The following RPL7 variants were observed in gnomAD, a reference collection of about 807,000 sequenced individuals.
The protein encoded by RPL7 is large ribosomal subunit protein uL30.
For missense variants in RPL7, 205 were observed against 301.9 expected (o/e 0.68, Z 2.38); for synonymous variants, 100 against 102.2 (o/e 0.98, Z 0.13).
At chr8:73,291,382 A>C (rs1814091162) in intron 5 of RPL7, 130 bp from the exon 6 acceptor site, 6 of 866,446 alleles carry the variant, frequency 6.9e-6, no homozygotes, top group Non-Finnish European at 1.1e-5. Flanking sequence ...GCATGGCTTT[A>C]CAAAGATAAG....
intron 1 of RPL7, 185 bp from the exon 2 acceptor site, chr8:73,292,982 A>G (rs140477626): frequency 4.5e-6 from 2 of 449,288 alleles, no homozygotes; most frequent in African/African-American, 4.0e-5. Flanking sequence ...AACCTTTAAC[A>G]CCATGTTGCC....
At chr8:73,293,485 A>G (rs1814162582) in intron 1 of RPL7, 114 bp downstream of exon 1, 2 of 1,323,840 alleles carry the variant, frequency 1.5e-6, no homozygotes, top group Admixed American at 1.9e-5. Flanking sequence ...GTTCACAATC[A>G]AGCAGGGAGG....
Position 73,293,298 on chromosome 8 carries a change from T to C in RPL7, c.14+301A>G, listed in dbSNP as rs1814153139. On this transcript the variant is annotated intron_variant, in intron 1 of 6. Coordinates refer to ENST00000352983, the MANE Select transcript of RPL7 (RefSeq NM_000971.4). The stretch of plus-strand genomic sequence containing the variant: ...AAGCACCAGCCAAGGACGAACACAA[T>C]TCAGAGGTTCTGCGCCTCCCCCGAA... 6 of 434,570 alleles carry C rather than the reference T, an allele frequency of 1.4e-5. No homozygotes were observed. The East Asian group carries it at 2.2e-4, about 16-fold the overall frequency. The allele number at this position is 434,570 out of a possible 1,614,324, so 26.9% of individuals were successfully genotyped here. A position where few individuals can be genotyped will look rare whatever the true frequency, so the allele number is the denominator to read the frequency against.
chr8:73,292,018 T>G, intron 3 of RPL7, 108 bp from the exon 4 acceptor site: 5 of 1,400,128 alleles, frequency 3.6e-6, no homozygotes, highest in Non-Finnish European at 5.0e-6. Flanking sequence ...ATAGGAATCC[T>G]CTCATGTTAC....
intron 3 of RPL7, 139 bp from the exon 4 acceptor site, chr8:73,292,049 A>G: frequency 7.8e-7 from 1 of 1,277,976 alleles, no homozygotes; most frequent in Non-Finnish European, 1.1e-6. Flanking sequence ...TCTGTATTCT[A>G]TTAAGAGAAG....
At chr8:73,294,077 G>C (rs1486864543), upstream of RPL7, 1 of 161,164 alleles carries the variant, frequency 6.2e-6, no homozygotes, top group Non-Finnish European at 1.4e-5. Flanking sequence ...GAGCCTCTTG[G>C]GCCACGTTCC....
chr8:73,293,581 G>C lies in RPL7; in HGVS notation c.14+18C>G, dbSNP rs1264466216. The C allele has an allele frequency of 9.3e-6, 15 of 1,613,714 alleles. No homozygotes were observed. Among genetic ancestry groups the C allele is most frequent in the Non-Finnish European group, 9.3e-6 (11 of 1,179,848 alleles). On this transcript the variant is annotated intron_variant, in intron 1 of 6. Coordinates refer to ENST00000352983, the MANE Select transcript of RPL7 (RefSeq NM_000971.4). ...TGGAGATGGAGAAGGATTCTCAAGA[G>C]GACCAGAAGCAACTCACTCTACACC...
rs746101170 is a variant in RPL7, at chr8:73,292,689, C to T, written c.123G>A (p.Met41Ile). Residue 41 changes from methionine to isoleucine, a missense_variant and splice_region_variant, in exon 2 of 7, where the codon ATG becomes ATA. By Grantham distance (10) the Met-to-Ile change is conservative (BLOSUM62 1). Transcript: ENST00000352983. Reference sequence around the variant, plus strand: ...CTAGTGCCTCAAAAAGTTTACTTACCATCTTTTGGGCAAACTTCTTTCTCA... The same window carrying T: ...CTAGTGCCTCAAAAAGTTTACTTACTATCTTTTGGGCAAACTTCTTTCTCA... ...KRLRKKFAQK[M>I]LRKARRKLIY... The T allele has an allele frequency of 6.2e-7, 1 of 1,608,920 alleles. No individual in the cohort carries two copies. Among genetic ancestry groups the T allele is most frequent in the South Asian group, 1.1e-5 (1 of 90,382 alleles).
Position 73,291,287 on chromosome 8 carries a change from T to A in RPL7, c.539-35A>T, listed in dbSNP as rs757066528. 3.7e-5 allele frequency: 57 copies of A among 1,529,172 alleles called. No individual in the cohort carries two copies. The South Asian group carries it at 6.6e-4, about 18-fold the overall frequency. 94.7% of individuals were successfully genotyped at this position (1,529,172 alleles called of 1,614,324 possible). ...TTAAGGTTATTTAAGATTATTAAAGTTGCAAAAAGTTTTGAAATAATTATT... is the reference window on the plus strand; with the variant it reads ...TTAAGGTTATTTAAGATTATTAAAGATGCAAAAAGTTTTGAAATAATTATT... On this transcript the variant is annotated intron_variant, in intron 5 of 6. Coordinates refer to ENST00000352983, the MANE Select transcript of RPL7 (RefSeq NM_000971.4).
chr8:73,292,592 T>A, intron 2 of RPL7, 97 bp downstream of exon 2: 4 of 1,083,412 alleles, frequency 3.7e-6, no homozygotes, highest in South Asian at 3.0e-5. Context: ...AATTACTCAG[T>A]ACAGTTAGGA....
At chr8:73,292,029 A>G in intron 3 of RPL7, 119 bp from the exon 4 acceptor site, 2 of 1,347,826 alleles carry the variant, frequency 1.5e-6, no homozygotes, top group South Asian at 2.7e-5. Context: ...CTCATGTTAC[A>G]CACTGAATTT....
chr8:73,293,606 C>T lies in RPL7; in HGVS notation c.7G>A (p.Gly3Ser), dbSNP rs144881278. 57 of 1,613,806 alleles carry T rather than the reference C, an allele frequency of 3.5e-5. No homozygotes were observed. The highest frequency in any genetic ancestry group is 8.8e-5 in the South Asian group (8 of 91,038). The change falls in exon 1 of 7, where the codon GGT (glycine) becomes AGT (serine). Residue 3 changes from glycine (G) to serine (S), a missense_variant. Coordinates refer to ENST00000352983, the MANE Select transcript of RPL7 (RefSeq NM_000971.4). Reference protein sequence around the residue: MEGVEEKKKEVPA... With the variant: MESVEEKKKEVPA... ...GGACCAGAAGCAACTCACTCTACAC[C>T]CTCCATGGTTCCAGCCGGAAAAAGA...
In RPL7 at chr8:73,292,990, G is replaced by A. The variant is rs1586182577; in HGVS notation, c.15-193C>T. 1.4e-5 allele frequency: 6 copies of A among 425,744 alleles called. No homozygotes were observed. In the East Asian group the frequency reaches 2.1e-4, roughly 15 times the overall value. 26.4% of individuals were successfully genotyped at this position (425,744 alleles called of 1,614,324 possible). A position where few individuals can be genotyped will look rare whatever the true frequency, so the allele number is the denominator to read the frequency against. The stretch of plus-strand genomic sequence containing the variant: ...TGTCAATAACCTTTAACACCATGTT[G>A]CCTAAAACGCAATCACAAATATGAC... On this transcript the variant is annotated intron_variant, in intron 1 of 6. Transcript: ENST00000352983.
chr8:73,293,679 G>A (rs192883308), upstream of RPL7: 37 of 1,590,558 alleles, frequency 2.3e-5, no homozygotes, highest in East Asian at 5.2e-4. Flanking sequence ...CGCGAGAGAA[G>A]CCCCACGACT....
intron 1 of RPL7, 34 bp downstream of exon 1, chr8:73,293,565 A>T: frequency 2.5e-6 from 4 of 1,613,202 alleles, no homozygotes; most frequent in South Asian, 1.1e-5. Flanking sequence ...CTGGAGATGG[A>T]GAAGGATTCT....
rs1814075132 is a variant in RPL7 at position 73,290,627 on chromosome 8, A to C, written c.*80T>G. 1 of 159,640 alleles carries C rather than the reference A, an allele frequency of 6.3e-6. No homozygotes were observed. The highest frequency in any genetic ancestry group is 1.8e-4 in the South Asian group (1 of 5,442). 9.9% of individuals were successfully genotyped at this position (159,640 alleles called of 1,614,324 possible). A position where few individuals can be genotyped will look rare whatever the true frequency, so the allele number is the denominator to read the frequency against. Reference sequence around the variant, plus strand: ...CTAACAACAACAACAACAAATCACAAATACAACAATATATTTCAATTTGAG... The same window carrying C: ...CTAACAACAACAACAACAAATCACACATACAACAATATATTTCAATTTGAG... On this transcript the variant is annotated 3_prime_UTR_variant, in exon 7 of 7. Coordinates refer to ENST00000352983, the MANE Select transcript of RPL7 (RefSeq NM_000971.4).
chr8:73,293,681 CCCA>C, upstream of RPL7: 1 of 1,588,880 alleles, frequency 6.3e-7, no homozygotes, highest in Non-Finnish European at 8.6e-7. Context: ...CGAGAGAAGC[CCCA>C]CGACTCATAG....
chr8:73,293,005 A>C (rs1231359952), intron 1 of RPL7: 2 of 422,970 alleles, frequency 4.7e-6, no homozygotes, highest in Non-Finnish European at 8.4e-6. Context: ...AAACGCAATC[A>C]CAAATATGAC....
chr8:73,292,591 G>A (rs1487904491), intron 2 of RPL7, 98 bp downstream of exon 2: 2 of 1,076,342 alleles, frequency 1.9e-6, no homozygotes, highest in African/African-American at 1.6e-5. Flanking sequence ...CAATTACTCA[G>A]TACAGTTAGG....
Sources: gnomAD v4.1 joint callset for allele counts on GRCh38, gnomAD v4.1.1 for gene constraint, MANE v1.5 for transcripts, NCBI Gene and HGNC (gene_info 2026-07-23, HGNC 2026-07-21) for gene names.